TMEM117: variants seen among roughly 807,000 people sequenced by gnomAD.
TMEM117 encodes the protein transmembrane protein 117.
Under a neutral mutation model 52.4 loss-of-function variants are expected in TMEM117, and 27 were observed. That is an observed-to-expected ratio of 0.51 (90% CI 0.38 to 0.71). The LOEUF is 0.71. Ranked by LOEUF, TMEM117 falls within the 30% of genes least tolerant of loss-of-function variation. TMEM117 has a pLI of 0.00. For synonymous variants in TMEM117, 215 were observed against 206.3 expected (o/e 1.04, Z -0.36); for missense variants, 556 against 630.5 (o/e 0.88, Z 1.26).
At chr12:43,851,646 T>C (rs903746720) in intron 2 of TMEM117, among the ~76,000 whole-genome samples, 5 of 152,198 alleles carry the variant, frequency 3.3e-5, no homozygotes, top group African/African-American at 9.6e-5. Context: ...GGAATTGAAA[T>C]TATTTGCAAC....
At chr12:44,262,493 T>C (rs1950331580) in intron 5 of TMEM117, among the ~76,000 whole-genome samples, 1 of 152,184 alleles carries the variant, frequency 6.6e-6, no homozygotes, top group South Asian at 2.1e-4. Flanking sequence ...AGAGGTTATC[T>C]TGTCCAAACT....
At chr12:44,190,064 G>T (rs1213799804) in intron 4 of TMEM117, among the ~76,000 whole-genome samples, 2 of 152,178 alleles carry the variant, frequency 1.3e-5, no homozygotes, top group Non-Finnish European at 2.9e-5. Flanking sequence ...TGAACTGTGC[G>T]CACAGTATGG....
intron 6 of TMEM117, among the ~76,000 whole-genome samples, chr12:44,304,606 C>G (rs902528809): frequency 4.6e-5 from 7 of 152,156 alleles, no homozygotes; most frequent in Non-Finnish European, 1.0e-4. Context: ...GTAAAGAGGA[C>G]TTTGTCTTGC....
At chr12:44,226,508 T>C (rs1227089953) in intron 5 of TMEM117, among the ~76,000 whole-genome samples, 1 of 151,872 alleles carries the variant, frequency 6.6e-6, no homozygotes, top group Non-Finnish European at 1.5e-5. Context: ...TATATGTGTG[T>C]GTGTGTGTGT....
chr12:44,001,897 T>G (rs1212428041), intron 3 of TMEM117, among the ~76,000 whole-genome samples: 1 of 152,148 alleles, frequency 6.6e-6, no homozygotes, highest in African/African-American at 2.4e-5. Context: ...ATTCTGCCTT[T>G]CCAGGGGAAT....
At chr12:44,196,514 G>C (rs148434487) in intron 4 of TMEM117, among the ~76,000 whole-genome samples, 1,749 of 152,246 alleles carry the variant, frequency 0.011, 23 homozygotes, top group South Asian at 0.052. Flanking sequence ...AATTACATCG[G>C]ATATATTAAC....
At chr12:44,056,298 G>A (rs1448102032) in intron 3 of TMEM117, among the ~76,000 whole-genome samples, 1 of 152,074 alleles carries the variant, frequency 6.6e-6, no homozygotes, top group African/African-American at 2.4e-5. Context: ...TTTTTGTAAT[G>A]TGCCACTGAT....
chr12:44,180,251 A>G (rs1949173988), intron 4 of TMEM117, among the ~76,000 whole-genome samples: 1 of 152,014 alleles, frequency 6.6e-6, no homozygotes, highest in Non-Finnish European at 1.5e-5. Context: ...CGTCATCATC[A>G]TCATCATTAA....
intron 3 of TMEM117, among the ~76,000 whole-genome samples, chr12:44,026,676 A>G (rs540303732): frequency 6.6e-6 from 1 of 152,326 alleles, no homozygotes; most frequent in African/African-American, 2.4e-5. Flanking sequence ...ATTGGCAAGT[A>G]TGTGTTTAAT....
chr12:43,845,460 C>CAAAAAAAA (rs10677136), intron 2 of TMEM117, among the ~76,000 whole-genome samples: 1 of 37,990 alleles, frequency 2.6e-5, no homozygotes, highest in African/African-American at 1.0e-4. Context: ...GACTCCATCT[C>CAAAAAAAA]AAAAAAAAAA....
chr12:43,932,700 A>C (rs570795153), intron 2 of TMEM117, among the ~76,000 whole-genome samples: 17 of 152,352 alleles, frequency 1.1e-4, no homozygotes, highest in African/African-American at 4.1e-4. Context: ...TAAAAAGCAT[A>C]GCAACTTAAA....
At chr12:44,174,607 C>A (rs1276417198) in intron 4 of TMEM117, among the ~76,000 whole-genome samples, 1 of 152,042 alleles carries the variant, frequency 6.6e-6, no homozygotes, top group African/African-American at 2.4e-5. Context: ...TTATTTATTT[C>A]TTCTTTTATT....
chr12:44,145,088 C>T (rs1442298950), intron 4 of TMEM117, among the ~76,000 whole-genome samples: 1 of 152,192 alleles, frequency 6.6e-6, no homozygotes, highest in Non-Finnish European at 1.5e-5. Context: ...ACCTGGGAGG[C>T]GGAGCTTGCA....
At chr12:44,375,354 C>T (rs1951927171) in intron 6 of TMEM117, among the ~76,000 whole-genome samples, 1 of 152,096 alleles carries the variant, frequency 6.6e-6, no homozygotes, top group South Asian at 2.1e-4. Flanking sequence ...AATGTTGCAT[C>T]GTTCTGTTTT....
At chr12:44,042,801 CA>C (rs759168744) in intron 3 of TMEM117, among the ~76,000 whole-genome samples, 5,537 of 143,472 alleles carry the variant, frequency 0.039, 140 homozygotes, top group South Asian at 0.07. Context: ...CACACACACA[CA>C]CACACACTTA....
chr12:44,171,175 C>A (rs2138283603), intron 4 of TMEM117, among the ~76,000 whole-genome samples: 1 of 152,084 alleles, frequency 6.6e-6, no homozygotes. Context: ...GCCACTACGC[C>A]CGGCTAATTT....
intron 6 of TMEM117, among the ~76,000 whole-genome samples, chr12:44,330,489 T>C (rs185391908): frequency 1.3e-5 from 2 of 152,162 alleles, no homozygotes; most frequent in East Asian, 3.9e-4. Flanking sequence ...TTTAACCCAA[T>C]TAAAATATTA....
chr12:44,235,989 C>G (rs1949990800), intron 5 of TMEM117, among the ~76,000 whole-genome samples: 1 of 151,834 alleles, frequency 6.6e-6, no homozygotes, highest in South Asian at 2.1e-4. Flanking sequence ...GCCGCTTAGT[C>G]TGTCCTTTCT....
At chr12:44,315,857 CTGATATAAAAATAGCAA>C (rs1447080864) in intron 6 of TMEM117, among the ~76,000 whole-genome samples, 3 of 152,226 alleles carry the variant, frequency 2.0e-5, no homozygotes, top group Admixed American at 6.5e-5. Context: ...TCTGTTTTAT[CTGATATAAAAATAGCAA>C]TGATATAAAA....
Sources: allele counts gnomAD v4.1 joint callset (sites outside exome capture counted in the v4.1 genomes callset), GRCh38; gene constraint gnomAD v4.1.1; transcripts MANE v1.5; gene names NCBI Gene and HGNC (gene_info 2026-07-23, HGNC 2026-07-21).